Variants in SLC17A5 observed in about 807,000 individuals in gnomAD.
SLC17A5 encodes solute carrier family 17 member 5.
In SLC17A5, 47 loss-of-function variants were observed where a neutral mutation model predicts 59.4. That is an observed-to-expected ratio of 0.79 (90% CI 0.63 to 1.01). The LOEUF is 1.01. Ranked by LOEUF, SLC17A5 falls within the 50% of genes least tolerant of loss-of-function variation. The probability of loss-of-function intolerance (pLI) is 0.00; values close to 1 mark genes in which losing one functional copy is unlikely to be tolerated. For synonymous variants in SLC17A5, 202 were observed against 210.7 expected (o/e 0.96, Z 0.36); for missense variants, 522 against 595.5 (o/e 0.88, Z 1.28).
chr6:73,598,793 T>C (rs1368610741), intron 10 of SLC17A5, among the ~76,000 whole-genome samples: 1 of 151,814 alleles, frequency 6.6e-6, no homozygotes, highest in African/African-American at 2.4e-5. Flanking sequence ...CAAACCAGCC[T>C]GACCAACATG....
chr6:73,616,810 T>G (rs1158968442), intron 7 of SLC17A5, among the ~76,000 whole-genome samples: 7 of 152,064 alleles, frequency 4.6e-5, no homozygotes, highest in African/African-American at 1.7e-4. Flanking sequence ...TTTCGCCATG[T>G]TGGCCAGGCT....
At position 73,606,578 on chromosome 6, in the gene SLC17A5, C is replaced by T. The variant is rs1187903943; in HGVS notation, c.1259+3822G>A. Among the ~76,000 whole-genome samples the T allele has an allele frequency of 2.6e-5, 4 of 151,650 alleles. No homozygotes were observed. In the East Asian group the frequency reaches 7.8e-4, roughly 30 times the overall value. On this transcript the variant is annotated intron_variant, in intron 9 of 10. Transcript: ENST00000355773. ...ACCTGGGTCTTTAAGATGTAGACTT[C>T]AACCACCCACCTGATGCTTGAAGCT... is the stretch of plus-strand genomic sequence containing the variant.
chr6:73,642,492 C>T (rs1185025623), intron 2 of SLC17A5, among the ~76,000 whole-genome samples: 1 of 152,196 alleles, frequency 6.6e-6, no homozygotes, highest in African/African-American at 2.4e-5. Flanking sequence ...TCACTTAGTG[C>T]TGGCTATTAA....
chr6:73,620,148 C>G (rs750614238), intron 7 of SLC17A5, among the ~76,000 whole-genome samples: 1 of 152,032 alleles, frequency 6.6e-6, no homozygotes, highest in Admixed American at 6.6e-5. Context: ...GCCTTGAACT[C>G]CTGACCTCAA....
intron 3 of SLC17A5, among the ~76,000 whole-genome samples, chr6:73,640,702 T>C: frequency 6.6e-6 from 1 of 152,074 alleles, no homozygotes; most frequent in East Asian, 1.9e-4. Context: ...AGTTCGAAGT[T>C]ATAAAGGAAA....
intron 9 of SLC17A5, among the ~76,000 whole-genome samples, chr6:73,603,540 C>A (rs974642407): frequency 6.6e-6 from 1 of 151,782 alleles, no homozygotes; most frequent in Non-Finnish European, 1.5e-5. Context: ...CCTTCCTCAG[C>A]CTCCTGAGTA....
chr6:73,650,548 A>G (rs1769813222), intron 1 of SLC17A5, among the ~76,000 whole-genome samples: 1 of 150,154 alleles, frequency 6.7e-6, no homozygotes, highest in African/African-American at 2.4e-5. Flanking sequence ...GAAAAAAATT[A>G]GCCAGGTGTG....
chr6:73,621,000 A>ATTT (rs35762085), intron 7 of SLC17A5, among the ~76,000 whole-genome samples: 12 of 150,184 alleles, frequency 8.0e-5, no homozygotes, highest in Admixed American at 1.3e-4. Flanking sequence ...TGCTGGGATT[A>ATTT]ATTATTATTA....
intron 2 of SLC17A5, among the ~76,000 whole-genome samples, chr6:73,642,667 A>G (rs1769339304): frequency 6.6e-6 from 1 of 152,216 alleles, no homozygotes; most frequent in Admixed American, 6.5e-5. Context: ...GTACTAATGA[A>G]GATTTAGTGA....
At chr6:73,599,984 C>T (rs569029249) in intron 10 of SLC17A5, among the ~76,000 whole-genome samples, 78 of 152,112 alleles carry the variant, frequency 5.1e-4, no homozygotes, top group Non-Finnish European at 9.1e-4. Context: ...TTAGTAGAGA[C>T]GGGGTTTCAC....
chr6:73,623,662 T>TTTTATTTA (rs145897192), intron 6 of SLC17A5, among the ~76,000 whole-genome samples: 214 of 136,754 alleles, frequency 1.6e-3, no homozygotes, highest in Admixed American at 2.2e-3. Context: ...TGTCTTTTAT[T>TTTTATTTA]TTTATTTATT....
chr6:73,600,956 G>A (rs993776031), intron 9 of SLC17A5, among the ~76,000 whole-genome samples: 2 of 152,110 alleles, frequency 1.3e-5, no homozygotes, highest in African/African-American at 4.8e-5. Context: ...CATTAGGCCC[G>A]GCCGCCACCC....
At chr6:73,651,336 C>T (rs1157349149) in intron 1 of SLC17A5, among the ~76,000 whole-genome samples, 1 of 151,002 alleles carries the variant, frequency 6.6e-6, no homozygotes, top group Non-Finnish European at 1.5e-5. Flanking sequence ...TGGCGTAGGC[C>T]TGTAATCCCA....
chr6:73,594,658 C>A lies in SLC17A5; in HGVS notation c.*419G>T. The A allele has an allele frequency of 4.3e-6, 1 of 231,192 alleles. No individual in the cohort carries two copies. The allele number at this position is 231,192 out of a possible 1,614,324, so 14.3% of individuals were successfully genotyped here. A position where few individuals can be genotyped will look rare whatever the true frequency, so the allele number is the denominator to read the frequency against. On this transcript the variant is annotated 3_prime_UTR_variant, in exon 11 of 11. Coordinates refer to ENST00000355773, the MANE Select transcript of SLC17A5 (RefSeq NM_012434.5). ...CCACAGAGATGCTAAAGTTTGAGGT[C>A]TAAGTGTCAGAGAGAGCTGACAATT...
intron 6 of SLC17A5, among the ~76,000 whole-genome samples, chr6:73,627,052 G>A (rs1768452299): frequency 6.6e-6 from 1 of 150,620 alleles, no homozygotes; most frequent in African/African-American, 2.5e-5. Context: ...GATTACAGGC[G>A]TGAGCCACCA....
intron 9 of SLC17A5, among the ~76,000 whole-genome samples, chr6:73,609,820 G>A (rs1385111599): frequency 6.7e-6 from 1 of 149,000 alleles, no homozygotes; most frequent in African/African-American, 2.5e-5. Flanking sequence ...CATTCCTATA[G>A]TAGTCAAATC....
In SLC17A5 at chr6:73,601,191, C is replaced by T. The variant is rs370734037; in HGVS notation, c.1260-750G>A. Among the ~76,000 whole-genome samples the T allele has an allele frequency of 1.6e-3, 241 of 149,378 alleles. 1 individual carries two copies. The highest frequency in any genetic ancestry group is 5.5e-3 in the African/African-American group (224 of 40,476). ...TGAGATGTGGGGAGCGCCTCTGCCC[C>T]GCCGCCCCGTCTGGGATGTGAGGAG... On this transcript the variant is annotated intron_variant, in intron 9 of 10. Coordinates refer to ENST00000355773, the MANE Select transcript of SLC17A5 (RefSeq NM_012434.5).
intron 9 of SLC17A5, among the ~76,000 whole-genome samples, chr6:73,605,128 AGCC>A (rs1284876566): frequency 6.6e-6 from 1 of 152,180 alleles, no homozygotes; most frequent in Non-Finnish European, 1.5e-5. Context: ...TACAGGCGAG[AGCC>A]ACTGCACCCA....
intron 3 of SLC17A5, among the ~76,000 whole-genome samples, chr6:73,639,925 A>T (rs1244244531): frequency 6.6e-6 from 1 of 152,194 alleles, no homozygotes; most frequent in South Asian, 2.1e-4. Context: ...GCATGCCTGT[A>T]ATCCCACCTA....
Sources: allele counts gnomAD v4.1 joint callset (sites outside exome capture counted in the v4.1 genomes callset), GRCh38; gene constraint gnomAD v4.1.1; transcripts MANE v1.5; gene names NCBI Gene and HGNC (gene_info 2026-07-23, HGNC 2026-07-21).